The following DLGAP2 variants were observed in gnomAD, a reference collection of about 807,000 sequenced individuals.
DLGAP2 encodes the protein DLG associated protein 2, also known as disks large-associated protein 2.
DLGAP2 carries 26 observed loss-of-function variants against 100.3 expected under a neutral mutation model. That is an observed-to-expected ratio of 0.26 (90% CI 0.19 to 0.36). The LOEUF is 0.36. Among genes scored for constraint, DLGAP2 ranks in the 10% least tolerant of loss-of-function variants. The pLI is 1.00. For missense variants in DLGAP2, 1,858 were observed against 1,453.2 expected (o/e 1.28, Z -4.53); for synonymous variants, 886 against 630.1 (o/e 1.41, Z -6.08).
intron 2 of DLGAP2, among the ~76,000 whole-genome samples, chr8:944,741 C>T (rs372416053): frequency 2.7e-4 from 41 of 150,544 alleles, no homozygotes; most frequent in African/African-American, 9.8e-4. Flanking sequence ...CCAATCCCTG[C>T]AGGTGATCTG....
chr8:1,626,786 C>G lies in DLGAP2; in HGVS notation c.1489C>G (p.Leu497Val), dbSNP rs1357527007. 14 of 1,603,234 alleles carry G rather than the reference C, an allele frequency of 8.7e-6. No homozygotes were observed. The highest frequency in any genetic ancestry group is 1.2e-5 in the Non-Finnish European group (14 of 1,175,364). Reference sequence around the variant, plus strand: ...AAGCGATGTGCCTGTGGGACACAGCCTGGACCCCGCTGCGAACTACAACTC... The same window carrying G: ...AAGCGATGTGCCTGTGGGACACAGCGTGGACCCCGCTGCGAACTACAACTC... ...AASDVPVGHS[L>V]DPAANYNSPK... The change falls in exon 7 of 15, where the codon CTG becomes GTG. Residue 497 changes from leucine (L) to valine (V), a missense_variant. Physicochemically the swap from Leu to Val is conservative, Grantham distance 32. Coordinates refer to ENST00000637795, the MANE Select transcript of DLGAP2 (RefSeq NM_001346810.2).
At chr8:1,191,233 G>A (rs1356238200) in intron 2 of DLGAP2, among the ~76,000 whole-genome samples, 12 of 81,814 alleles carry the variant, frequency 1.5e-4, no homozygotes, top group Non-Finnish European at 2.0e-4. Context: ...GTACAGTGGC[G>A]CGATCTCGGC....
chr8:1,585,984 C>G (rs4876097), intron 6 of DLGAP2, among the ~76,000 whole-genome samples: 87,002 of 152,128 alleles, frequency 0.57, 25,758 homozygotes, highest in African/African-American at 0.74. Context: ...ACATGAGGTC[C>G]CACTGCACGC....
chr8:1,536,612 C>CTGA (rs1801161644), intron 4 of DLGAP2, among the ~76,000 whole-genome samples: 3 of 152,048 alleles, frequency 2.0e-5, no homozygotes, highest in African/African-American at 7.3e-5. Context: ...AGCCCTGCAT[C>CTGA]CTGACTGTCC....
At chr8:1,197,335 C>T (rs1213234758) in intron 2 of DLGAP2, among the ~76,000 whole-genome samples, 1 of 152,260 alleles carries the variant, frequency 6.6e-6, no homozygotes, top group Non-Finnish European at 1.5e-5. Flanking sequence ...GACACCCTCC[C>T]TCCTCTTCTG....
rs1194635739 is a variant in DLGAP2, at chr8:1,703,024, C to G, written c.*1618C>G. On this transcript the variant is annotated 3_prime_UTR_variant, in exon 15 of 15. Coordinates refer to ENST00000637795, the MANE Select transcript of DLGAP2 (RefSeq NM_001346810.2). ...TGCAGCCCGTGGCTGGCAGGGCGTT[C>G]GATGTGCGGTTGGCCCCCAGCGCGC... 2.0e-5 allele frequency: 3 copies of G among 152,654 alleles called. No homozygotes were observed. Among genetic ancestry groups the G allele is most frequent in the Non-Finnish European group, 4.4e-5 (3 of 68,128 alleles). The allele number at this position is 152,654 out of a possible 1,614,324, so 9.5% of individuals were successfully genotyped here.
intron 6 of DLGAP2, chr8:1,621,910 C>T (rs1797352351): frequency 6.6e-6 from 1 of 152,152 alleles, no homozygotes; most frequent in South Asian, 2.1e-4. Context: ...GGATTTCCCT[C>T]AAAAATGTGC....
At chr8:806,936 C>T (rs542198117) in intron 1 of DLGAP2, among the ~76,000 whole-genome samples, 1 of 152,188 alleles carries the variant, frequency 6.6e-6, no homozygotes, top group African/African-American at 2.4e-5. Context: ...CACTGTGTGG[C>T]TGGGGTCGTG....
chr8:1,106,615 A>G (rs1023864183), intron 2 of DLGAP2, among the ~76,000 whole-genome samples: 2 of 148,540 alleles, frequency 1.3e-5, no homozygotes, highest in African/African-American at 5.0e-5. Context: ...CCATTCTAGG[A>G]GGGTTTTCTA....
intron 2 of DLGAP2, among the ~76,000 whole-genome samples, chr8:965,879 G>A (rs2129011183): frequency 6.6e-6 from 1 of 151,988 alleles, no homozygotes; most frequent in South Asian, 2.1e-4. Flanking sequence ...CATGCACACA[G>A]CGCTGTTCAC....
chr8:1,086,849 C>G (rs922566042), intron 2 of DLGAP2, among the ~76,000 whole-genome samples: 22 of 152,078 alleles, frequency 1.4e-4, no homozygotes, highest in Non-Finnish European at 2.8e-4. Context: ...ATGGAAAGAT[C>G]ATACAGACAG....
Position 1,565,882 on chromosome 8 carries a change from G to C in DLGAP2, c.1430G>C (p.Gly477Ala), listed in dbSNP as rs1182973364. 2.5e-6 allele frequency: 4 copies of C among 1,605,594 alleles called. No homozygotes were observed. The highest frequency in any genetic ancestry group is 1.7e-6 in the Non-Finnish European group (2 of 1,176,214). Residue 477 changes from glycine (G) to alanine (A), a missense_variant, in exon 6 of 15, where the codon GGA becomes GCA. By Grantham distance (60) the Gly-to-Ala change is moderately conservative. Coordinates refer to ENST00000637795, the MANE Select transcript of DLGAP2 (RefSeq NM_001346810.2). ...AAGTCCATCGGACAGAGACCGCTTG[G>C]AGAGCACCAGACGTAAGTGAGACCA... ...LLKSIGQRPL[G>A]EHQTQTYLQA...
chr8:1,261,761 T>C (rs1477940459), intron 3 of DLGAP2, among the ~76,000 whole-genome samples: 2 of 152,260 alleles, frequency 1.3e-5, no homozygotes, highest in Non-Finnish European at 2.9e-5. Flanking sequence ...TATTCATATA[T>C]TTTTAAAATC....
chr8:981,077 C>A (rs1800318220), intron 2 of DLGAP2, among the ~76,000 whole-genome samples: 1 of 152,110 alleles, frequency 6.6e-6, no homozygotes. Context: ...AGACTGGCTT[C>A]CTGTCCCCTG....
At chr8:1,200,705 T>C (rs17065805) in intron 2 of DLGAP2, among the ~76,000 whole-genome samples, 12,757 of 151,692 alleles carry the variant, frequency 0.084, 620 homozygotes, top group African/African-American at 0.13. Flanking sequence ...GGTTGGATCT[T>C]ATTTAGAGAC....
intron 1 of DLGAP2, among the ~76,000 whole-genome samples, chr8:794,276 C>G (rs1239632322): frequency 9.9e-5 from 15 of 151,748 alleles, no homozygotes; most frequent in Admixed American, 9.2e-4. Context: ...GCTGTTGAGA[C>G]CAGCTCGGTC....
At chr8:1,291,033 C>T (rs1014693230) in intron 3 of DLGAP2, among the ~76,000 whole-genome samples, 1 of 152,086 alleles carries the variant, frequency 6.6e-6, no homozygotes, top group Admixed American at 6.5e-5. Context: ...AAGCTTGAAA[C>T]AAAAGGTCTA....
intron 2 of DLGAP2, among the ~76,000 whole-genome samples, chr8:1,253,542 C>A (rs918916651): frequency 6.6e-6 from 1 of 152,238 alleles, no homozygotes; most frequent in African/African-American, 2.4e-5. Flanking sequence ...GCTGCAGTTT[C>A]CTCTTTTCTA....
intron 3 of DLGAP2, among the ~76,000 whole-genome samples, chr8:1,340,342 C>T (rs1360834317): frequency 6.6e-6 from 1 of 152,130 alleles, no homozygotes; most frequent in African/African-American, 2.4e-5. Flanking sequence ...ATGCATCCCA[C>T]AAAGGTCTAA....
Sources: allele counts gnomAD v4.1 joint callset (sites outside exome capture counted in the v4.1 genomes callset), GRCh38; gene constraint gnomAD v4.1.1; transcripts MANE v1.5; gene names NCBI Gene and HGNC (gene_info 2026-07-23, HGNC 2026-07-21).